Variants in SYNE1 observed in about 807,000 individuals in gnomAD.
SYNE1 encodes spectrin repeat containing nuclear envelope protein 1.
Under a neutral mutation model 1,111.0 loss-of-function variants are expected in SYNE1, and 616 were observed. The observed-to-expected ratio is 0.55, with a 90% CI of 0.52 to 0.59. SYNE1 has a LOEUF of 0.59. Among genes scored for constraint, SYNE1 ranks in the 20% least tolerant of loss-of-function variants. The probability of loss-of-function intolerance (pLI) is 0.00; values close to 1 mark genes in which losing one functional copy is unlikely to be tolerated. For synonymous variants in SYNE1, 3,855 were observed against 3,825.8 expected, an observed-to-expected ratio of 1.01 and a Z score of -0.28; for missense variants, 10,006 against 10,417.0, an observed-to-expected ratio of 0.96 and a Z score of 1.72.
At chr6:152,166,120 T>C (rs2063607514) in intron 130 of SYNE1, among the ~76,000 whole-genome samples, 1 of 152,352 alleles carries the variant, frequency 6.6e-6, no homozygotes, top group African/African-American at 2.4e-5. Flanking sequence ...AGGGTTTTAC[T>C]AGAGGTTGGA....
intron 119 of SYNE1, among the ~76,000 whole-genome samples, chr6:152,219,891 G>A (rs1270600326): frequency 6.6e-6 from 1 of 152,196 alleles, no homozygotes; most frequent in Non-Finnish European, 1.5e-5. Flanking sequence ...GAGATAATAA[G>A]TGACTGCTTC....
intron 16 of SYNE1, among the ~76,000 whole-genome samples, chr6:152,470,493 T>C (rs1283080329): frequency 6.6e-6 from 1 of 152,182 alleles, no homozygotes; most frequent in Non-Finnish European, 1.5e-5. Flanking sequence ...TAAAGGAACA[T>C]AACAGATTTT....
Position 152,197,078 on chromosome 6 carries a change from C to T in SYNE1, c.23145+4746G>A, listed in dbSNP as rs138412592. Among the ~76,000 whole-genome samples, 297 of 152,270 alleles carry T rather than the reference C, an allele frequency of 2.0e-3. 2 individuals carry two copies. The highest frequency in any genetic ancestry group is 6.8e-3 in the African/African-American group (282 of 41,558). Reference sequence around the variant, plus strand: ...AATGCAATGCAGACCAACTGCTGGGCTCTCCTTCCTCGATATGCACAGATG... The same window carrying T: ...AATGCAATGCAGACCAACTGCTGGGTTCTCCTTCCTCGATATGCACAGATG... On this transcript the variant is annotated intron_variant, in intron 127 of 145. Transcript: ENST00000367255.
Position 152,133,424 on chromosome 6 carries a change from T to C in SYNE1, c.25853A>G (p.Gln8618Arg). 6.2e-7 allele frequency: 1 copy of C among 1,614,240 alleles called. No individual in the cohort carries two copies. The highest frequency in any genetic ancestry group is 8.5e-7 in the Non-Finnish European group (1 of 1,180,042). The part of the protein sequence containing the change: ...RVASLQDMSC[Q>R]LLVNAEGTDC... ...TGTTCCTTCAGCATTCACCAGTAGT[T>C]GGCAAGACATGTCTTGCAAAGAGGC... Residue 8618 changes from glutamine (Q) to arginine (R), a missense_variant, in exon 143 of 146, where the codon CAA becomes CGA. By Grantham distance (43) the Gln-to-Arg change is conservative. Coordinates refer to ENST00000367255, the MANE Select transcript of SYNE1 (RefSeq NM_182961.4).
chr6:152,344,378 C>G, intron 73 of SYNE1, 151 bp from the exon 74 acceptor site: 2 of 1,241,180 alleles, frequency 1.6e-6, no homozygotes, highest in Non-Finnish European at 2.3e-6. Context: ...AGTTGTATGT[C>G]TCCCCAGATG....
intron 3 of SYNE1, among the ~76,000 whole-genome samples, chr6:152,597,435 C>T (rs1485860448): frequency 6.6e-6 from 1 of 152,132 alleles, no homozygotes; most frequent in African/African-American, 2.4e-5. Flanking sequence ...TGTGCACCAC[C>T]ATGTCTGATT....
intron 3 of SYNE1, among the ~76,000 whole-genome samples, chr6:152,580,149 C>G (rs1233534179): frequency 6.6e-6 from 1 of 152,144 alleles, no homozygotes; most frequent in East Asian, 1.9e-4. Context: ...TAGGTGTTCC[C>G]TTTTTCTCCA....
At chr6:152,588,076 C>T (rs1433586735) in intron 3 of SYNE1, among the ~76,000 whole-genome samples, 1 of 152,140 alleles carries the variant, frequency 6.6e-6, no homozygotes, top group Non-Finnish European at 1.5e-5. Flanking sequence ...ACTGCTTCAC[C>T]TTTATCACTT....
chr6:152,325,297 T>C lies in SYNE1; in HGVS notation c.15444A>G (p.Leu5148=). 1 of 1,614,110 alleles carries C rather than the reference T, an allele frequency of 6.2e-7. No homozygotes were observed. ...AEEKLSEHKA[L]VSVVNSFHEK... is the part of the protein sequence containing the mutation. ...CATGGAAAGAGTTAACCACTGACAC[T>C]AAAGCCTAGGGTTGGGGGTGGAGGA... The change falls in exon 81 of 146, where the codon TTA becomes TTG. Residue 5148 remains leucine, a synonymous_variant. Coordinates refer to ENST00000367255, the MANE Select transcript of SYNE1 (RefSeq NM_182961.4).
intron 127 of SYNE1, among the ~76,000 whole-genome samples, chr6:152,200,608 C>T (rs1319426035): frequency 6.6e-6 from 1 of 152,148 alleles, no homozygotes; most frequent in Non-Finnish European, 1.5e-5. Flanking sequence ...ATTGCCCAGG[C>T]TGATCTTGAA....
chr6:152,167,305 T>A (rs1231002858), intron 130 of SYNE1, among the ~76,000 whole-genome samples: 1 of 152,202 alleles, frequency 6.6e-6, no homozygotes, highest in Non-Finnish European at 1.5e-5. Flanking sequence ...GTATCTATAT[T>A]TCACCACTTT....
At chr6:152,369,725 G>A (rs2097145015) in intron 59 of SYNE1, 111 bp from the exon 60 acceptor site, 2 of 1,328,028 alleles carry the variant, frequency 1.5e-6, no homozygotes, top group Admixed American at 1.9e-5. Flanking sequence ...GCTCACGCCT[G>A]TAATCCCAGC....
At chr6:152,425,681 T>C in intron 38 of SYNE1, 134 bp from the exon 39 acceptor site, 1 of 994,412 alleles carries the variant, frequency 1.0e-6, no homozygotes, top group East Asian at 2.6e-5. Context: ...CTGAAGAGAG[T>C]TTTTATTACT....
chr6:152,164,088 T>C, intron 131 of SYNE1, 75 bp downstream of exon 131: 1 of 1,594,506 alleles, frequency 6.3e-7, no homozygotes, highest in South Asian at 1.1e-5. Context: ...CACCATCTCA[T>C]GCCCACCCCA....
chr6:152,236,095 T>C lies in SYNE1; in HGVS notation c.20396+12A>G. 6.2e-7 allele frequency: 1 copy of C among 1,612,182 alleles called. No individual in the cohort carries two copies. The highest frequency in any genetic ancestry group is 8.5e-7 in the Non-Finnish European group (1 of 1,178,216). On this transcript the variant is annotated intron_variant, in intron 110 of 145. Transcript: ENST00000367255. ...ACTTATCTAAAAATATACAAAACAG[T>C]CATTGTATTACCTGGTCCAGTGTTT...
Position 152,316,855 on chromosome 6 carries a change from C to A in SYNE1, c.16704G>T (p.Leu5568Phe). The change falls in exon 87 of 146, where the codon TTG becomes TTT. Residue 5568 changes from leucine to phenylalanine, a missense_variant. Physicochemically the swap from Leu to Phe is conservative, Grantham distance 22. This residue lies in a region of SYNE1 where 4,955 missense variants were observed against 5,017.2 expected (regional missense o/e 0.99). Coordinates refer to ENST00000367255, the MANE Select transcript of SYNE1 (RefSeq NM_182961.4). The part of the protein sequence containing the change: ...SASQLREQYI[L>F]HQTLLEESKE... ...TTATTTTTCCTAAGGTTACCTGATGCAAAATATATTGTTCCCGAAGCTGGC... is the reference window on the plus strand; with the variant it reads ...TTATTTTTCCTAAGGTTACCTGATGAAAAATATATTGTTCCCGAAGCTGGC... The A allele has an allele frequency of 6.2e-7, 1 of 1,614,066 alleles. No individual in the cohort carries two copies. The highest frequency in any genetic ancestry group is 8.5e-7 in the Non-Finnish European group (1 of 1,180,008).
At chr6:152,479,878 A>T (rs370476460) in intron 14 of SYNE1, among the ~76,000 whole-genome samples, 1 of 152,250 alleles carries the variant, frequency 6.6e-6, no homozygotes, top group East Asian at 1.9e-4. Flanking sequence ...ACTCTCGGAA[A>T]CACACCTTTA....
At chr6:152,409,796 C>A in intron 42 of SYNE1, 87 bp from the exon 43 acceptor site, 1 of 1,404,434 alleles carries the variant, frequency 7.1e-7, no homozygotes, top group Non-Finnish European at 1.0e-6. Flanking sequence ...TGTTTCACTA[C>A]GTAAAGGTAT....
chr6:152,321,871 C>T lies in SYNE1; in HGVS notation c.15933G>A (p.Val5311=). ...QDRCLNMQEK[V]KTNGKLVKQE... ...GCTTCACCAACTTTCCATTAGTCTT[C>T]ACTTTCTCCTGCATGCTTCAGAAAC... Residue 5311 remains valine, a synonymous_variant, in exon 83 of 146, where the codon GTG becomes GTA. Transcript: ENST00000367255. 6.2e-7 allele frequency: 1 copy of T among 1,614,050 alleles called. No homozygotes were observed. Among genetic ancestry groups the T allele is most frequent in the Non-Finnish European group, 8.5e-7 (1 of 1,179,962 alleles).
Sources: allele counts gnomAD v4.1 joint callset (sites outside exome capture counted in the v4.1 genomes callset), GRCh38; gene constraint gnomAD v4.1.1; regional missense constraint gnomAD v4.1.1; transcripts MANE v1.5; gene names NCBI Gene and HGNC (gene_info 2026-07-23, HGNC 2026-07-21).